The following PCDHA1 variants were observed in gnomAD, a reference collection of about 807,000 sequenced individuals.
The protein encoded by PCDHA1 is protocadherin alpha-1.
In PCDHA1, 42 loss-of-function variants were observed where a neutral mutation model predicts 61.3. The observed-to-expected ratio is 0.69, with a 90% CI of 0.54 to 0.89. The LOEUF is 0.89. Among genes scored for constraint, PCDHA1 ranks in the 40% least tolerant of loss-of-function variants. The pLI is 0.00. For synonymous variants in PCDHA1, 610 were observed against 553.8 expected (o/e 1.10, Z -1.43); for missense variants, 1,256 against 1,235.3 (o/e 1.02, Z -0.25).
chr5:140,834,516 G>C (rs1433865569), intron 1 of PCDHA1: 40 of 1,613,992 alleles, frequency 2.5e-5, no homozygotes, highest in Non-Finnish European at 3.4e-5. Flanking sequence ...TGGCAACTTC[G>C]TGGGCCGCAT....
At chr5:140,997,702 T>C (rs548432387) in intron 3 of PCDHA1, among the ~76,000 whole-genome samples, 1 of 150,740 alleles carries the variant, frequency 6.6e-6, no homozygotes, top group Non-Finnish European at 1.5e-5. Context: ...GTGTGTATGT[T>C]AACAAACACC....
chr5:140,842,319 A>G (rs1777874490), intron 1 of PCDHA1: 10 of 1,608,046 alleles, frequency 6.2e-6, no homozygotes, highest in Non-Finnish European at 8.5e-6. Context: ...ATGGCGGGTC[A>G]TTGCACCGTT....
chr5:140,820,785 A>T (rs1554127919), intron 1 of PCDHA1, among the ~76,000 whole-genome samples: 1 of 152,086 alleles, frequency 6.6e-6, no homozygotes, highest in Non-Finnish European at 1.5e-5. Context: ...TTGTTATGTA[A>T]GTACAAAGGT....
At chr5:140,788,762 T>TA (rs782191918) in intron 1 of PCDHA1, 78 bp downstream of exon 1, 1 of 1,461,952 alleles carries the variant, frequency 6.8e-7, no homozygotes, top group African/African-American at 1.4e-5. Context: ...AATATCACTT[T>TA]AAAAAATGTC....
intron 1 of PCDHA1, chr5:140,968,380 C>T: frequency 6.2e-7 from 1 of 1,614,072 alleles, no homozygotes; most frequent in Non-Finnish European, 8.5e-7. Context: ...ACTCCTTTGA[C>T]TATGAGAAGT....
At chr5:140,882,592 G>T in intron 1 of PCDHA1, 1 of 1,614,272 alleles carries the variant, frequency 6.2e-7, no homozygotes, top group Non-Finnish European at 8.5e-7. Context: ...ACCTGGAGGT[G>T]ATCGTGGACA....
chr5:140,794,905 A>T, intron 1 of PCDHA1: 2 of 1,506,212 alleles, frequency 1.3e-6, no homozygotes, highest in Non-Finnish European at 1.8e-6. Context: ...CAGAGACTAG[A>T]ATATTTAAAT....
At chr5:140,797,358 TC>T in intron 1 of PCDHA1, 2 of 1,611,108 alleles carry the variant, frequency 1.2e-6, no homozygotes, top group South Asian at 1.1e-5. Flanking sequence ...GAAAGGTGAG[TC>T]TTTTACTTTT....
Position 140,787,791 on chromosome 5 carries a change from G to T in PCDHA1, c.1501G>T (p.Glu501Ter). The change falls in exon 1 of 4, where the codon GAG becomes TAG. Residue 501 changes from glutamate (E) to a stop codon, truncating the protein, a stop_gained. Coordinates refer to ENST00000504120, the MANE Select transcript of PCDHA1 (RefSeq NM_018900.4). LOFTEE classifies it high-confidence loss of function. ...SYSLVERRVG[E>*]RALSNYVSVH... ...TTCGCTGGTGGAACGGCGGGTGGGC[G>T]AGCGCGCGCTGTCGAACTACGTGTC... The T allele has an allele frequency of 6.2e-7, 1 of 1,612,480 alleles. No homozygotes were observed. The highest frequency in any genetic ancestry group is 8.5e-7 in the Non-Finnish European group (1 of 1,179,766).
At chr5:140,827,817 A>G (rs1769419450) in intron 1 of PCDHA1, 3 of 368,424 alleles carry the variant, frequency 8.1e-6, no homozygotes, top group Non-Finnish European at 9.6e-6. Flanking sequence ...AGGAGGGTTT[A>G]CTATAAAAGT....
At chr5:140,947,648 T>C (rs1476825159) in intron 1 of PCDHA1, among the ~76,000 whole-genome samples, 1 of 151,646 alleles carries the variant, frequency 6.6e-6, no homozygotes, top group Non-Finnish European at 1.5e-5. Context: ...TGAACATATA[T>C]ACCTCCATTT....
chr5:140,992,369 A>G (rs1554252849), intron 3 of PCDHA1, among the ~76,000 whole-genome samples: 1 of 152,188 alleles, frequency 6.6e-6, no homozygotes, highest in Non-Finnish European at 1.5e-5. Context: ...AATGGTTCCC[A>G]TTACATTATT....
chr5:140,999,505 A>C (rs1221080631), intron 3 of PCDHA1, among the ~76,000 whole-genome samples: 3 of 152,134 alleles, frequency 2.0e-5, no homozygotes, highest in African/African-American at 7.2e-5. Flanking sequence ...AAGAACCTAC[A>C]TTTTAAGCAT....
chr5:140,874,018 G>A (rs1033387450), intron 1 of PCDHA1, among the ~76,000 whole-genome samples: 2 of 152,114 alleles, frequency 1.3e-5, no homozygotes, highest in Admixed American at 1.3e-4. Context: ...TTTTGAAAAT[G>A]AAAAATAGGA....
chr5:140,871,594 A>G (rs1278020366), intron 1 of PCDHA1: 2 of 1,456,310 alleles, frequency 1.4e-6, no homozygotes, highest in Non-Finnish European at 1.8e-6. Context: ...TTTATGAATA[A>G]CCAGTGTTTT....
chr5:140,954,120 C>G (rs246026), intron 1 of PCDHA1, among the ~76,000 whole-genome samples: 85,718 of 152,076 alleles, frequency 0.56, 24,786 homozygotes, highest in African/African-American at 0.69. Flanking sequence ...GATCTTGTTC[C>G]TTTTTATGGA....
At chr5:140,849,663 A>T in intron 1 of PCDHA1, 1 of 1,598,672 alleles carries the variant, frequency 6.3e-7, no homozygotes, top group Non-Finnish European at 8.6e-7. Context: ...CTGCTCCCTG[A>T]CGCCCCACGT....
chr5:141,010,618 G>T lies in PCDHA1; in HGVS notation c.*681G>T. The T allele has an allele frequency of 5.2e-6, 1 of 191,706 alleles. No individual in the cohort carries two copies. The highest frequency in any genetic ancestry group is 1.1e-5 in the Non-Finnish European group (1 of 92,168). 11.9% of individuals were successfully genotyped at this position (191,706 alleles called of 1,614,324 possible). ...TGTGACGTCATTATACCTAAAATCT[G>T]CATCATACCTGCAAGCCAACAGTTC... is the stretch of plus-strand genomic sequence containing the variant. On this transcript the variant is annotated 3_prime_UTR_variant, in exon 4 of 4. Coordinates refer to ENST00000504120, the MANE Select transcript of PCDHA1 (RefSeq NM_018900.4).
At chr5:140,825,851 A>T (rs1399797049) in intron 1 of PCDHA1, 3 of 151,876 alleles carry the variant, frequency 2.0e-5, no homozygotes, top group African/African-American at 7.3e-5. Context: ...CATGATACAA[A>T]CTCCCCTCTT....
Sources: gnomAD v4.1 joint callset for allele counts (sites outside exome capture counted in the v4.1 genomes callset) on GRCh38, gnomAD v4.1.1 for gene constraint, MANE v1.5 for transcripts, NCBI Gene and HGNC (gene_info 2026-07-23, HGNC 2026-07-21) for gene names.